The following FBXL13 variants were observed in gnomAD, a reference collection of about 807,000 sequenced individuals.
FBXL13 encodes the protein F-box and leucine rich repeat protein 13.
A neutral mutation model predicts 83.6 loss-of-function variants in FBXL13; 67 were observed. That is an observed-to-expected ratio of 0.80 (90% CI 0.66 to 0.98). The LOEUF (loss-of-function observed/expected upper bound fraction) is 0.98, where lower values mean the gene tolerates loss of function less well. FBXL13 is among the 50% of genes least tolerant of loss of function. The pLI is 0.00. For synonymous variants in FBXL13, 272 were observed against 299.5 expected (o/e 0.91, Z 0.95); for missense variants, 822 against 866.5 (o/e 0.95, Z 0.64).
chr7:103,043,768 C>T (rs1253021322), intron 2 of FBXL13, among the ~76,000 whole-genome samples: 1 of 152,196 alleles, frequency 6.6e-6, no homozygotes, highest in Non-Finnish European at 1.5e-5. Context: ...CCTGCCTTGG[C>T]CTCCCAAAGT....
chr7:102,853,628 A>G (rs1232617485), intron 17 of FBXL13, among the ~76,000 whole-genome samples: 2 of 152,160 alleles, frequency 1.3e-5, no homozygotes, highest in East Asian at 3.9e-4. Flanking sequence ...TCATCTGACA[A>G]AGGGCTAATA....
rs1006318227 is a variant in FBXL13 at position 103,044,700 on chromosome 7, T to A, written c.-1+10944A>T. On this transcript the variant is annotated intron_variant, in intron 2 of 19. Coordinates refer to ENST00000313221, the Ensembl canonical transcript of FBXL13. ...ATGTTTCCATAATAAAAAGATTTTT[T>A]AAATTTTATATATGCTTTCTCTTGT... is the stretch of plus-strand genomic sequence containing the variant. Among the ~76,000 whole-genome samples the A allele has an allele frequency of 6.6e-5, 10 of 152,348 alleles. No homozygotes were observed. The East Asian group carries it at 7.7e-4, about 12-fold the overall frequency.
intron 6 of FBXL13, among the ~76,000 whole-genome samples, chr7:103,010,225 A>G (rs1791455063): frequency 6.6e-6 from 1 of 151,988 alleles, no homozygotes; most frequent in African/African-American, 2.4e-5. Flanking sequence ...CAGGCAGACA[A>G]TGCCTGCTAG....
At chr7:102,826,280 T>C (rs1799607605) in intron 18 of FBXL13, among the ~76,000 whole-genome samples, 1 of 152,180 alleles carries the variant, frequency 6.6e-6, no homozygotes, top group Non-Finnish European at 1.5e-5. Context: ...AATGAACTTT[T>C]AGGTTAATAA....
rs186930297 is a variant in FBXL13 at position 102,917,127 on chromosome 7, T to C, written c.879-3912A>G. 5.5e-4 allele frequency among the ~76,000 whole-genome samples: 84 copies of C among 152,334 alleles called. No individual in the cohort carries two copies. In the Middle Eastern group the frequency reaches 0.01, roughly 19 times the overall value. On this transcript the variant is annotated intron_variant, in intron 10 of 19. Transcript: ENST00000313221. ...TCTGGTTTCACAGAGGCATTTCAAG[T>C]AATAGAATTCTGCAGAAAACCTAAA...
chr7:102,816,059 T>C (rs1004916240), intron 19 of FBXL13: 1 of 152,218 alleles, frequency 6.6e-6, no homozygotes, highest in Non-Finnish European at 1.5e-5. Flanking sequence ...CACTGGTATA[T>C]GCATTTCTTT....
Position 103,018,306 on chromosome 7 carries a change from C to A in FBXL13, c.495+6757G>T, listed in dbSNP as rs569717324. 2.3e-3 allele frequency among the ~76,000 whole-genome samples: 348 copies of A among 152,250 alleles called. 1 individual carries two copies. Among genetic ancestry groups the A allele is most frequent in the Middle Eastern group, 0.02 (6 of 294 alleles). ...TTTTGTCACCACTAGGCCTGCCTTA[C>A]AAGAGCTCCTGAAGGAAGCACTAAA... On this transcript the variant is annotated intron_variant, in intron 6 of 19. Transcript: ENST00000313221.
In FBXL13 at chr7:103,074,444, T is replaced by C. The variant is rs1799429089; in HGVS notation, c.-303A>G. 6.3e-6 allele frequency: 7 copies of C among 1,108,312 alleles called. No homozygotes were observed. The African/African-American group carries it at 1.1e-4, about 18-fold the overall frequency. The allele number at this position is 1,108,312 out of a possible 1,614,324, so 68.7% of individuals were successfully genotyped here. On this transcript the variant is annotated 5_prime_UTR_variant, in exon 1 of 20. Coordinates refer to ENST00000313221, the Ensembl canonical transcript of FBXL13. The stretch of plus-strand genomic sequence containing the variant: ...GTTTCCGATCTGGGCCTTGTGCTCA[T>C]TCCCCCTGGGAGATGTCACCCATTC...
intron 16 of FBXL13, among the ~76,000 whole-genome samples, chr7:102,862,157 A>G (rs1314677119): frequency 6.6e-6 from 1 of 152,050 alleles, no homozygotes; most frequent in Non-Finnish European, 1.5e-5. Context: ...AGCCTGGTCA[A>G]TGTGGTGAAA....
chr7:102,935,675 T>G (rs1439330319), intron 8 of FBXL13, among the ~76,000 whole-genome samples: 2 of 152,176 alleles, frequency 1.3e-5, no homozygotes, highest in Non-Finnish European at 2.9e-5. Context: ...TGAAGATTGA[T>G]GTTCTCAAAG....
chr7:102,971,508 A>C (rs1182322595), intron 6 of FBXL13, among the ~76,000 whole-genome samples: 1 of 151,306 alleles, frequency 6.6e-6, no homozygotes, highest in Non-Finnish European at 1.5e-5. Flanking sequence ...GAGGCAGGAG[A>C]ATCGCTTGAA....
intron 6 of FBXL13, among the ~76,000 whole-genome samples, chr7:102,984,135 C>A (rs1235035103): frequency 6.6e-6 from 1 of 152,132 alleles, no homozygotes; most frequent in African/African-American, 2.4e-5. Flanking sequence ...CAGATAACAC[C>A]GTGAAACATC....
At chr7:103,039,601 A>T (rs1795448858) in intron 2 of FBXL13, among the ~76,000 whole-genome samples, 1 of 152,166 alleles carries the variant, frequency 6.6e-6, no homozygotes, top group Admixed American at 6.5e-5. Context: ...CCACAAAGGG[A>T]AGCACATCAG....
At chr7:102,922,191 A>AG (rs1384811432) in intron 10 of FBXL13, among the ~76,000 whole-genome samples, 2 of 147,460 alleles carry the variant, frequency 1.4e-5, no homozygotes, top group African/African-American at 5.0e-5. Context: ...CTCTGTCTCA[A>AG]AAAAAAAAAA....
At chr7:102,823,979 T>C (rs973092582) in intron 18 of FBXL13, among the ~76,000 whole-genome samples, 13 of 152,014 alleles carry the variant, frequency 8.6e-5, no homozygotes, top group Admixed American at 3.9e-4. Flanking sequence ...CACAGAATTG[T>C]AGAAGAAAGG....
chr7:102,901,500 ATTCT>A (rs909132472), intron 11 of FBXL13, among the ~76,000 whole-genome samples: 5 of 151,878 alleles, frequency 3.3e-5, no homozygotes, highest in East Asian at 1.9e-4. Context: ...AGTATATCTT[ATTCT>A]TTCTATTTTT....
In FBXL13 at chr7:102,912,730, T is replaced by C. The variant is rs143000377; in HGVS notation, c.1008+356A>G. 4.0e-3 allele frequency among the ~76,000 whole-genome samples: 532 copies of C among 133,504 alleles called. 4 individuals are homozygous for C. The highest frequency in any genetic ancestry group is 0.014 in the African/African-American group (522 of 36,330). The allele number at this position is 133,504 out of a possible 152,430, so 87.6% of individuals were successfully genotyped here. ...GTTAATTGACTTTTCAGGAATCCCA[T>C]GCAAAATTCTCCCTCAAAACATTCT... On this transcript the variant is annotated intron_variant, in intron 11 of 19. Coordinates refer to ENST00000313221, the Ensembl canonical transcript of FBXL13.
chr7:102,893,106 C>T (rs1811743363), intron 11 of FBXL13, among the ~76,000 whole-genome samples: 1 of 152,140 alleles, frequency 6.6e-6, no homozygotes, highest in South Asian at 2.1e-4. Flanking sequence ...CTTGTTGTTC[C>T]AATTAACGTT....
intron 2 of FBXL13, among the ~76,000 whole-genome samples, chr7:103,035,375 G>A (rs1794971666): frequency 6.6e-6 from 1 of 152,196 alleles, no homozygotes; most frequent in Non-Finnish European, 1.5e-5. Context: ...ATGAAGACAG[G>A]AGCTAGAGGC....
Sources: allele counts gnomAD v4.1 joint callset (sites outside exome capture counted in the v4.1 genomes callset), GRCh38; gene constraint gnomAD v4.1.1; transcripts MANE v1.5; gene names NCBI Gene and HGNC (gene_info 2026-07-23, HGNC 2026-07-21).